The following RPS6KA2 variants were observed in gnomAD, a reference collection of about 807,000 sequenced individuals.
RPS6KA2 encodes ribosomal protein S6 kinase A2.
Under a neutral mutation model 91.8 loss-of-function variants are expected in RPS6KA2, and 42 were observed. The observed-to-expected ratio is 0.46, with a 90% CI of 0.36 to 0.59. The LOEUF is 0.59. RPS6KA2 is among the 20% of genes least tolerant of loss of function. The probability of loss-of-function intolerance (pLI) is 0.00; values close to 1 mark genes in which losing one functional copy is unlikely to be tolerated. For missense variants in RPS6KA2, 798 were observed against 978.5 expected, an observed-to-expected ratio of 0.82 and a Z score of 2.46; for synonymous variants, 414 against 393.6, an observed-to-expected ratio of 1.05 and a Z score of -0.61.
At chr6:166,502,869 C>G (rs1223914998) in intron 6 of RPS6KA2, among the ~76,000 whole-genome samples, 1 of 152,196 alleles carries the variant, frequency 6.6e-6, no homozygotes, top group Non-Finnish European at 1.5e-5. Context: ...TGGGATTACT[C>G]TGGATAAAGT....
intron 10 of RPS6KA2, among the ~76,000 whole-genome samples, chr6:166,482,289 C>T (rs1781254786): frequency 6.6e-6 from 1 of 152,210 alleles, no homozygotes; most frequent in African/African-American, 2.4e-5. Flanking sequence ...AGTCTTGGTT[C>T]TTTCTCATTT....
chr6:166,575,945 G>A (rs12176185), intron 1 of RPS6KA2, among the ~76,000 whole-genome samples: 44,671 of 152,136 alleles, frequency 0.29, 7,749 homozygotes, highest in South Asian at 0.51. Flanking sequence ...ATCTCATCTT[G>A]AATTGTACTC....
intron 1 of RPS6KA2, among the ~76,000 whole-genome samples, chr6:166,570,080 G>A (rs573970104): frequency 2.0e-5 from 3 of 152,268 alleles, no homozygotes; most frequent in African/African-American, 7.2e-5. Flanking sequence ...TAAATCCAAG[G>A]GAGAGGCTGT....
intron 10 of RPS6KA2, among the ~76,000 whole-genome samples, chr6:166,478,728 C>T (rs894755245): frequency 2.8e-4 from 43 of 152,134 alleles, no homozygotes; most frequent in African/African-American, 9.7e-4. Context: ...GCAATGAGGC[C>T]GGGGGGTTGG....
At chr6:166,781,009 A>G (rs781743463) in intron 2 of RPS6KA2, among the ~76,000 whole-genome samples, 8 of 152,242 alleles carry the variant, frequency 5.3e-5, no homozygotes, top group Non-Finnish European at 1.0e-4. Context: ...ACTGACTCCT[A>G]CTAGAAGCTC....
At chr6:166,504,674 T>A (rs1583215536) in intron 5 of RPS6KA2, 62 bp from the exon 6 acceptor site, 3 of 1,234,682 alleles carry the variant, frequency 2.4e-6, no homozygotes, top group African/African-American at 3.0e-5. Context: ...GGCTGGTGTG[T>A]TTTAAAGAAC....
intron 6 of RPS6KA2, among the ~76,000 whole-genome samples, chr6:166,502,375 G>T (rs891602797): frequency 6.6e-6 from 1 of 152,178 alleles, no homozygotes; most frequent in Non-Finnish European, 1.5e-5. Context: ...TTCAATCTTT[G>T]CCCAGAATTA....
At chr6:166,607,584 G>C (rs1161748563) in intron 1 of RPS6KA2, among the ~76,000 whole-genome samples, 1 of 152,188 alleles carries the variant, frequency 6.6e-6, no homozygotes, top group Non-Finnish European at 1.5e-5. Flanking sequence ...ACTCTACGGA[G>C]ACAGAAAGTG....
intron 2 of RPS6KA2, among the ~76,000 whole-genome samples, chr6:166,819,366 G>A (rs764430557): frequency 5.9e-5 from 9 of 152,036 alleles, no homozygotes; most frequent in African/African-American, 2.4e-5. Flanking sequence ...TGTACCTCAG[G>A]GTCTGTTGGG....
intron 2 of RPS6KA2, among the ~76,000 whole-genome samples, chr6:166,786,922 G>A (rs1778945898): frequency 6.6e-6 from 1 of 152,030 alleles, no homozygotes; most frequent in Admixed American, 6.6e-5. Flanking sequence ...GCCCGAGATA[G>A]GTCAAATGAG....
At chr6:166,455,728 C>T (rs1432334526) in intron 12 of RPS6KA2, among the ~76,000 whole-genome samples, 1 of 152,246 alleles carries the variant, frequency 6.6e-6, no homozygotes, top group African/African-American at 2.4e-5. Context: ...GGAGGAGGCG[C>T]TCCTGCTACA....
Position 166,530,455 on chromosome 6 carries a change from A to C in RPS6KA2, c.298+777T>G, listed in dbSNP as rs116404765. On this transcript the variant is annotated intron_variant, in intron 3 of 20. Coordinates refer to ENST00000265678, the MANE Select transcript of RPS6KA2 (RefSeq NM_021135.6). The stretch of plus-strand genomic sequence containing the variant: ...GAAGCCTGCCTCTCACCGTCTCGGC[A>C]CCTAAGTGCTGCCCCCGTGACGCCC... Among the ~76,000 whole-genome samples the C allele has an allele frequency of 6.3e-3, 954 of 152,300 alleles. 11 individuals are homozygous for C. Among genetic ancestry groups the C allele is most frequent in the African/African-American group, 0.022 (922 of 41,574 alleles).
Position 166,608,316 on chromosome 6 carries a change from A to G in RPS6KA2, c.99+18605T>C, listed in dbSNP as rs532837678. ...ACGCTTCTCTTAGCCACTGTATAGA[A>G]CAGTCTAGAAGTTGGATAACCTTAT... On this transcript the variant is annotated intron_variant, in intron 1 of 20. Transcript: ENST00000265678. Among the ~76,000 whole-genome samples the G allele has an allele frequency of 1.7e-3, 264 of 152,328 alleles. 1 individual carries two copies. Among genetic ancestry groups the G allele is most frequent in the Middle Eastern group, 3.4e-3 (1 of 294 alleles).
chr6:166,561,046 T>C (rs1056609028), intron 1 of RPS6KA2, among the ~76,000 whole-genome samples: 3 of 152,078 alleles, frequency 2.0e-5, no homozygotes, highest in African/African-American at 7.2e-5. Context: ...AGAAAAGCGT[T>C]CAACTTATCC....
rs924478423 is a variant in RPS6KA2, at chr6:166,765,711, G to A, written c.123+92489C>T. ...AAAGAGCATCTTACTTTTTTGAAAG[G>A]CGTGGGGCTAAGCATCACATTTTAC... On this transcript the variant is annotated intron_variant, in intron 2 of 21. Coordinates refer to the RPS6KA2 transcript ENST00000503859. Among the ~76,000 whole-genome samples, 3 of 152,104 alleles carry A rather than the reference G, an allele frequency of 2.0e-5. No homozygotes were observed. In the East Asian group the frequency reaches 5.8e-4, roughly 29 times the overall value.
rs1369507633 is a variant in RPS6KA2 at position 166,433,012 on chromosome 6, AG to A, written c.1333-523del. Among the ~76,000 whole-genome samples, 1 of 150,374 alleles carries A rather than the reference AG, an allele frequency of 6.7e-6. No homozygotes were observed. Among genetic ancestry groups the A allele is most frequent in the Non-Finnish European group, 1.5e-5 (1 of 67,684 alleles). On this transcript the variant is annotated intron_variant, in intron 14 of 20. Coordinates refer to ENST00000265678, the MANE Select transcript of RPS6KA2 (RefSeq NM_021135.6). The surrounding 1 kb of genome is among the most constrained non-coding windows in gnomAD (Gnocchi z 4.4). ...TCTGTCTCAAAAAAAAAAAAAAAAAAGGAGTACAAGACTTCAGACATGAATT... is the reference window on the plus strand; with the variant it reads ...TCTGTCTCAAAAAAAAAAAAAAAAAAGAGTACAAGACTTCAGACATGAATT...
chr6:166,507,900 TCAAA>T (rs1414310405), intron 5 of RPS6KA2, among the ~76,000 whole-genome samples: 2 of 45,758 alleles, frequency 4.4e-5, no homozygotes, highest in African/African-American at 2.0e-4. Context: ...ACACACGCAC[TCAAA>T]CACATACACA....
chr6:166,575,564 C>A (rs1021965492), intron 1 of RPS6KA2, among the ~76,000 whole-genome samples: 1 of 152,210 alleles, frequency 6.6e-6, no homozygotes, highest in Non-Finnish European at 1.5e-5. Flanking sequence ...ATTCTCTCTA[C>A]ATCTGAAAAT....
At position 166,543,862 on chromosome 6, in the gene RPS6KA2, G is replaced by T. The variant is rs766577526; in HGVS notation, c.100-5078C>A. On this transcript the variant is annotated intron_variant, in intron 1 of 20. Coordinates refer to ENST00000265678, the MANE Select transcript of RPS6KA2 (RefSeq NM_021135.6). ...ATGTGTACATGTGGAATGCACATAC[G>T]TGAGTGTGTGTGAGACAGGTCTTGT... 2.4e-5 allele frequency among the ~76,000 whole-genome samples: 3 copies of T among 126,436 alleles called. No homozygotes were observed. In the Admixed American group the frequency reaches 2.5e-4, roughly 11 times the overall value. 82.9% of individuals were successfully genotyped at this position (126,436 alleles called of 152,430 possible). A position where few individuals can be genotyped will look rare whatever the true frequency, so the allele number is the denominator to read the frequency against.
Sources: gnomAD v4.1 joint callset for allele counts (sites outside exome capture counted in the v4.1 genomes callset) on GRCh38, gnomAD v4.1.1 for gene constraint, Gnocchi (gnomAD v3.1) non-coding constraint, MANE v1.5 for transcripts, NCBI Gene and HGNC (gene_info 2026-07-23, HGNC 2026-07-21) for gene names.